The following NAV2 variants were observed in gnomAD, a reference collection of about 807,000 sequenced individuals.
The protein encoded by NAV2 is neuron navigator 2.
A neutral mutation model predicts 223.2 loss-of-function variants in NAV2; 54 were observed. The observed-to-expected ratio is 0.24, with a 90% CI of 0.19 to 0.30. The LOEUF (loss-of-function observed/expected upper bound fraction) is 0.30, where lower values mean the gene tolerates loss of function less well. Ranked by LOEUF, NAV2 falls within the 10% of genes least tolerant of loss-of-function variation. NAV2 has a pLI of 1.00. For synonymous variants in NAV2, 1,279 were observed against 1,239.3 expected, an observed-to-expected ratio of 1.03 and a Z score of -0.67; for missense variants, 2,806 against 3,147.5, an observed-to-expected ratio of 0.89 and a Z score of 2.60.
At chr11:19,521,780 G>A (rs138247430) in intron 1 of NAV2, among the ~76,000 whole-genome samples, 27 of 152,302 alleles carry the variant, frequency 1.8e-4, no homozygotes, top group East Asian at 3.9e-4. Flanking sequence ...AATAAGTAAC[G>A]TGCCAACGGT....
At chr11:19,374,835 C>T (rs1191660153) in intron 1 of NAV2, among the ~76,000 whole-genome samples, 2 of 152,182 alleles carry the variant, frequency 1.3e-5, no homozygotes, top group Non-Finnish European at 2.9e-5. Context: ...CTCAATGCCT[C>T]TCCTAGGTTT....
intron 1 of NAV2, among the ~76,000 whole-genome samples, chr11:19,580,419 C>T (rs1247111444): frequency 6.6e-6 from 1 of 151,944 alleles, no homozygotes; most frequent in Non-Finnish European, 1.5e-5. Flanking sequence ...CCCATTTGGA[C>T]TCTATGAAAA....
chr11:19,903,491 C>T (rs537090308), intron 6 of NAV2, among the ~76,000 whole-genome samples: 3 of 152,262 alleles, frequency 2.0e-5, no homozygotes, highest in Admixed American at 2.0e-4. Flanking sequence ...TGGCCTGCTT[C>T]CTTCATAAGA....
intron 1 of NAV2, among the ~76,000 whole-genome samples, chr11:19,760,939 G>C (rs1052472521): frequency 6.6e-6 from 1 of 151,364 alleles, no homozygotes; most frequent in African/African-American, 2.5e-5. Flanking sequence ...CCAAGGTATA[G>C]AGTTTGGAAA....
At chr11:19,784,366 C>A (rs2056953212) in intron 1 of NAV2, among the ~76,000 whole-genome samples, 1 of 98,082 alleles carries the variant, frequency 1.0e-5, no homozygotes, top group South Asian at 3.4e-4. Context: ...CCAGCCTGGG[C>A]AACAAGATCA....
intron 1 of NAV2, among the ~76,000 whole-genome samples, chr11:19,403,924 C>A (rs900582191): frequency 8.9e-5 from 7 of 78,310 alleles, no homozygotes; most frequent in Non-Finnish European, 1.9e-4. Flanking sequence ...AGACTCCTTG[C>A]GTACGTGGCT....
At chr11:19,997,904 C>T (rs1205991129) in intron 11 of NAV2, among the ~76,000 whole-genome samples, 3 of 152,130 alleles carry the variant, frequency 2.0e-5, no homozygotes, top group African/African-American at 4.8e-5. Flanking sequence ...CCTCCCTCCA[C>T]CCCAGGTAGG....
chr11:19,956,815 A>G (rs2047924127), intron 10 of NAV2, among the ~76,000 whole-genome samples: 1 of 151,846 alleles, frequency 6.6e-6, no homozygotes, highest in Admixed American at 6.6e-5. Context: ...GTCCATCTCC[A>G]TCCCCGCCTT....
At chr11:19,385,436 A>C (rs1848997187) in intron 1 of NAV2, among the ~76,000 whole-genome samples, 1 of 152,258 alleles carries the variant, frequency 6.6e-6, no homozygotes, top group Admixed American at 6.5e-5. Context: ...GTTAGCCACC[A>C]TATAGCTAGT....
At chr11:19,369,499 C>A (rs1848400717) in intron 1 of NAV2, among the ~76,000 whole-genome samples, 2 of 152,072 alleles carry the variant, frequency 1.3e-5, no homozygotes, top group South Asian at 4.2e-4. Flanking sequence ...TTTAACCAGG[C>A]CTGTTCATGG....
rs549942030 is a variant in NAV2, at chr11:20,019,572, T to C, written c.2769-16387T>C. On this transcript the variant is annotated intron_variant, in intron 11 of 37. Transcript: ENST00000349880. ...CCCAGGAAAAGAAGTTAGTTAGAAG[T>C]GGTAGTTATAACTTAGTTAGAAGTT... is the stretch of plus-strand genomic sequence containing the variant. Among the ~76,000 whole-genome samples the C allele has an allele frequency of 5.3e-5, 8 of 151,948 alleles. No homozygotes were observed. In the South Asian group the frequency reaches 1.7e-3, roughly 32 times the overall value.
intron 1 of NAV2, among the ~76,000 whole-genome samples, chr11:19,444,434 A>G (rs562802733): frequency 6.6e-6 from 1 of 152,264 alleles, no homozygotes; most frequent in Admixed American, 6.5e-5. Context: ...TACAGCGTGG[A>G]TAGAAGTGAT....
intron 1 of NAV2, among the ~76,000 whole-genome samples, chr11:19,748,739 G>A (rs1045712380): frequency 9.2e-6 from 1 of 109,242 alleles, no homozygotes; most frequent in African/African-American, 3.7e-5. Flanking sequence ...ACTCTGTTAG[G>A]AACGGGGCAG....
intron 3 of NAV2, among the ~76,000 whole-genome samples, chr11:19,852,546 T>C (rs1320936770): frequency 6.6e-6 from 1 of 152,240 alleles, no homozygotes; most frequent in Non-Finnish European, 1.5e-5. Flanking sequence ...AAGTGAATAT[T>C]GCATCTTCTG....
At chr11:19,778,897 G>A (rs552037330) in intron 1 of NAV2, among the ~76,000 whole-genome samples, 24 of 152,274 alleles carry the variant, frequency 1.6e-4, no homozygotes, top group Non-Finnish European at 2.8e-4. Flanking sequence ...AGGAAAGCTG[G>A]GTCCCGATCT....
chr11:19,775,117 C>T (rs921820952), intron 1 of NAV2, among the ~76,000 whole-genome samples: 6 of 152,154 alleles, frequency 3.9e-5, no homozygotes, highest in African/African-American at 1.4e-4. Context: ...TTGTGTTTTG[C>T]TCTCTTAGCC....
chr11:19,391,266 T>A (rs1343353369), intron 1 of NAV2, among the ~76,000 whole-genome samples: 1 of 152,124 alleles, frequency 6.6e-6, no homozygotes, highest in Non-Finnish European at 1.5e-5. Flanking sequence ...GTCCCCCTGC[T>A]TCACCCTTAG....
At chr11:20,022,897 T>G in intron 11 of NAV2, 2 of 1,387,270 alleles carry the variant, frequency 1.4e-6, no homozygotes, top group Non-Finnish European at 9.4e-7. Flanking sequence ...CTTCAGCACT[T>G]CAGAGGTTAA....
chr11:19,383,501 T>C (rs1848922600), intron 1 of NAV2, among the ~76,000 whole-genome samples: 1 of 152,222 alleles, frequency 6.6e-6, no homozygotes, highest in South Asian at 2.1e-4. Context: ...CCCAACAATA[T>C]AGACCCTTTT....
Sources: allele counts gnomAD v4.1 joint callset (sites outside exome capture counted in the v4.1 genomes callset), GRCh38; gene constraint gnomAD v4.1.1; transcripts MANE v1.5; gene names NCBI Gene and HGNC (gene_info 2026-07-23, HGNC 2026-07-21).